Variants in TSHZ2 observed in about 807,000 individuals in gnomAD.
The protein encoded by TSHZ2 is teashirt homolog 2.
In TSHZ2, 21 loss-of-function variants were observed where a neutral mutation model predicts 74.4. That is an observed-to-expected ratio of 0.28 (90% CI 0.20 to 0.41). The LOEUF is 0.41. Among genes scored for constraint, TSHZ2 ranks in the 10% least tolerant of loss-of-function variants. The probability of loss-of-function intolerance (pLI) is 1.00; values close to 1 mark genes in which losing one functional copy is unlikely to be tolerated. For missense variants in TSHZ2, 1,244 were observed against 1,293.5 expected (o/e 0.96, Z 0.59); for synonymous variants, 540 against 515.3 (o/e 1.05, Z -0.65).
chr20:53,266,648 G>T (rs939670812), intron 2 of TSHZ2, among the ~76,000 whole-genome samples: 13 of 152,096 alleles, frequency 8.5e-5, no homozygotes, highest in African/African-American at 3.1e-4. Context: ...AAATCCAAAA[G>T]TGTTTGTGTG....
intron 2 of TSHZ2, among the ~76,000 whole-genome samples, chr20:53,443,630 G>C (rs1389866243): frequency 6.6e-6 from 1 of 152,194 alleles, no homozygotes. Flanking sequence ...GTCATTCTAA[G>C]GCTTAAAGCA....
chr20:52,995,835 T>G (rs1982166423), intron 1 of TSHZ2, among the ~76,000 whole-genome samples: 1 of 151,942 alleles, frequency 6.6e-6, no homozygotes, highest in African/African-American at 2.4e-5. Context: ...TTGGCCAGGC[T>G]GGTCTTGATC....
At position 53,270,907 on chromosome 20, in the gene TSHZ2, A is replaced by G. The variant is rs531825921; in HGVS notation, c.*8+14336A>G. On this transcript the variant is annotated intron_variant, in intron 2 of 2. Coordinates refer to ENST00000371497, the MANE Select transcript of TSHZ2 (RefSeq NM_173485.6). ...AGGATTTTGTCATCTTTAATTGTTT[A>G]TGACTACCCCCTCCCCCTGTACTTG... 1.7e-4 allele frequency among the ~76,000 whole-genome samples: 26 copies of G among 152,138 alleles called. 1 individual carries two copies. The South Asian group carries it at 5.0e-3, about 29-fold the overall frequency.
intron 2 of TSHZ2, among the ~76,000 whole-genome samples, chr20:53,446,761 G>A (rs1984566953): frequency 1.3e-5 from 2 of 152,154 alleles, no homozygotes; most frequent in Non-Finnish European, 2.9e-5. Flanking sequence ...GGATGCCCCT[G>A]GTAAGGCAGG....
chr20:53,352,232 CTTTTTTTTTTTTT>C (rs142220716), intron 2 of TSHZ2, among the ~76,000 whole-genome samples: 2 of 57,906 alleles, frequency 3.5e-5, no homozygotes, highest in Admixed American at 2.1e-4. Context: ...CTCCTAAGCT[CTTTTTTTTTTTTT>C]TTTTTTTTTT....
At chr20:53,271,851 G>A (rs1009683367) in intron 2 of TSHZ2, among the ~76,000 whole-genome samples, 1 of 152,206 alleles carries the variant, frequency 6.6e-6, no homozygotes, top group Non-Finnish European at 1.5e-5. Flanking sequence ...GAACAGACAG[G>A]TGGCTGGTGG....
chr20:53,254,426 G>C lies in TSHZ2; in HGVS notation c.968G>C (p.Arg323Pro). Residue 323 changes from arginine to proline, a missense_variant, in exon 2 of 3, where the codon CGC (arginine) becomes CCC (proline). Transcript: ENST00000371497. ...SSKMVTPAKK[R>P]VFDVNRPCSP... ...AAAATGGTCACCCCGGCTAAGAAAC[G>C]CGTTTTTGATGTCAATCGGCCGTGT... 1 of 1,613,220 alleles carries C rather than the reference G, an allele frequency of 6.2e-7. No individual in the cohort carries two copies. The highest frequency in any genetic ancestry group is 8.5e-7 in the Non-Finnish European group (1 of 1,179,268).
rs138632781 is a variant in TSHZ2 at position 53,391,681 on chromosome 20, G to A, written c.*9-95463G>A. Among the ~76,000 whole-genome samples, 994 of 152,196 alleles carry A rather than the reference G, an allele frequency of 6.5e-3. 10 individuals are homozygous for A. The highest frequency in any genetic ancestry group is 0.02 in the Middle Eastern group (6 of 294). On this transcript the variant is annotated intron_variant, in intron 2 of 2. Transcript: ENST00000371497. ...AAAATAGCCGAGCACAGTGGCTCTC[G>A]CCTGTAATCCCAACACTTTGGGAGG...
chr20:53,057,963 G>A (rs1213112573), intron 1 of TSHZ2, among the ~76,000 whole-genome samples: 1 of 152,170 alleles, frequency 6.6e-6, no homozygotes. Context: ...TTGGGCTCCG[G>A]GAACCAGTTT....
chr20:53,307,021 C>T (rs190494305), intron 2 of TSHZ2, among the ~76,000 whole-genome samples: 5 of 152,268 alleles, frequency 3.3e-5, no homozygotes, highest in East Asian at 3.9e-4. Flanking sequence ...CAAGTTTGTC[C>T]GGACTGAGGC....
At chr20:53,113,155 G>T (rs1986579511) in intron 1 of TSHZ2, among the ~76,000 whole-genome samples, 1 of 152,196 alleles carries the variant, frequency 6.6e-6, no homozygotes, top group East Asian at 1.9e-4. Flanking sequence ...GAAATAGGTG[G>T]TCTTAATGTG....
chr20:53,174,662 C>T (rs1177397125), intron 1 of TSHZ2, among the ~76,000 whole-genome samples: 3 of 152,202 alleles, frequency 2.0e-5, no homozygotes. Context: ...ACGCCTGTGT[C>T]TCTGGGACAT....
rs987141619 is a variant in TSHZ2, at chr20:53,296,567, C to T, written c.*8+39996C>T. Among the ~76,000 whole-genome samples the T allele has an allele frequency of 2.3e-4, 35 of 152,178 alleles. 1 individual carries two copies. Among genetic ancestry groups the T allele is most frequent in the Admixed American group, 1.6e-3 (24 of 15,264 alleles). On this transcript the variant is annotated intron_variant, in intron 2 of 2. Coordinates refer to ENST00000371497, the MANE Select transcript of TSHZ2 (RefSeq NM_173485.6). ...TCTCAAGCCCTTTCACTCCCACACA[C>T]TTTATCTTTTTCTTAAAACACAGTC... is the stretch of plus-strand genomic sequence containing the variant.
chr20:53,259,318 T>C (rs1990552319), intron 2 of TSHZ2, among the ~76,000 whole-genome samples: 1 of 152,262 alleles, frequency 6.6e-6, no homozygotes, highest in African/African-American at 2.4e-5. Flanking sequence ...TTCTTTCCTT[T>C]ACCAGATATA....
chr20:53,028,560 GT>G (rs1219837478), intron 1 of TSHZ2, among the ~76,000 whole-genome samples: 3 of 152,166 alleles, frequency 2.0e-5, no homozygotes, highest in Non-Finnish European at 4.4e-5. Flanking sequence ...TCTTTGCTTT[GT>G]TTTTCCTTGT....
chr20:53,266,038 G>A (rs1181962513), intron 2 of TSHZ2, among the ~76,000 whole-genome samples: 4 of 152,236 alleles, frequency 2.6e-5, no homozygotes, highest in Admixed American at 2.0e-4. Flanking sequence ...ACTGAGGCTC[G>A]AGAGAAGATA....
chr20:53,272,651 A>G (rs79084297), intron 2 of TSHZ2, among the ~76,000 whole-genome samples: 8,725 of 152,316 alleles, frequency 0.057, 350 homozygotes, highest in Non-Finnish European at 0.086. Context: ...GTGCAAATGA[A>G]TCTTCAGGCT....
At chr20:53,081,931 T>C (rs112702202) in intron 1 of TSHZ2, among the ~76,000 whole-genome samples, 1 of 151,290 alleles carries the variant, frequency 6.6e-6, no homozygotes, top group Non-Finnish European at 1.5e-5. Flanking sequence ...AGTCTTACTC[T>C]GTCGCCCAGG....
intron 1 of TSHZ2, among the ~76,000 whole-genome samples, chr20:53,003,255 G>GGTT (rs957246666): frequency 1.0e-4 from 14 of 139,514 alleles, no homozygotes; most frequent in Non-Finnish European, 1.4e-4. Context: ...CTCCAGGGAT[G>GGTT]GTGTGTGTGT....
Sources: allele counts gnomAD v4.1 joint callset (sites outside exome capture counted in the v4.1 genomes callset), GRCh38; gene constraint gnomAD v4.1.1; transcripts MANE v1.5; gene names NCBI Gene and HGNC (gene_info 2026-07-23, HGNC 2026-07-21).